Variants in C5 observed in about 807,000 individuals in gnomAD.
C5 encodes the protein complement C5.
A neutral mutation model predicts 218.8 loss-of-function variants in C5; 140 were observed. The ratio of observed to expected loss-of-function variants is 0.64; its 90% CI spans 0.56 to 0.74. The LOEUF (loss-of-function observed/expected upper bound fraction) is 0.74. Ranked by LOEUF, C5 falls within the 30% of genes least tolerant of loss-of-function variation. The pLI, the probability that C5 is intolerant of heterozygous loss-of-function variation, is 0.00. For missense variants in C5, 1,700 were observed against 1,969.6 expected (o/e 0.86, Z 2.59); for synonymous variants, 614 against 682.3 (o/e 0.90, Z 1.56).
chr9:121,002,284 A>ATGTGTGTGTGTGTGTGTGTG (rs1301302145), intron 20 of C5, among the ~76,000 whole-genome samples: 1 of 118,652 alleles, frequency 8.4e-6, no homozygotes, highest in Non-Finnish European at 1.8e-5. Context: ...ATATATACGT[A>ATGTGTGTGTGTGTGTGTGTG]TATATGTATA....
the C5 span, among the ~76,000 whole-genome samples, chr9:121,071,595 G>C: frequency 4.3e-4 from 65 of 152,174 alleles, no homozygotes; most frequent in African/African-American, 1.4e-3. Flanking sequence ...TGAGGGAGGA[G>C]GATCACTTGA....
Position 120,960,408 on chromosome 9 carries a change from C to T in C5, c.4589-71G>A, listed in dbSNP as rs554883783. The stretch of plus-strand genomic sequence containing the variant: ...TAGACACTCTTTCCAGGAGTAAACA[C>T]GGTTTCTCATGAGCCCAGAGACAAC... On this transcript the variant is annotated intron_variant, in intron 37 of 40. Coordinates refer to ENST00000223642, the MANE Select transcript of C5 (RefSeq NM_001735.3). The T allele has an allele frequency of 8.3e-4, 846 of 1,024,492 alleles. 11 individuals carry two copies. In the South Asian group the frequency reaches 9.4e-3, roughly 11 times the overall value. 63.5% of individuals were successfully genotyped at this position (1,024,492 alleles called of 1,614,324 possible).
At position 120,957,271 on chromosome 9, in the gene C5, G is replaced by T; in HGVS notation, c.4762+14C>A. On this transcript the variant is annotated intron_variant, in intron 39 of 40. Transcript: ENST00000223642. ...TTGCTGAATGAAGGAACGAATGAAC[G>T]AATGAATTCTCACCAGTTTTGTAGA... is the stretch of plus-strand genomic sequence containing the variant. The T allele has an allele frequency of 1.3e-6, 2 of 1,572,768 alleles. No homozygotes were observed. The highest frequency in any genetic ancestry group is 2.2e-5 in the South Asian group (2 of 90,128).
intron 8 of C5, 61 bp from the exon 9 acceptor site, chr9:121,025,641 T>C (rs1371591261): frequency 1.3e-6 from 2 of 1,524,886 alleles, no homozygotes; most frequent in African/African-American, 1.4e-5. Context: ...GAAAAATTAA[T>C]AAAATCTGCT....
chr9:121,074,789 C>T, the C5 span: 1 of 454,746 alleles, frequency 2.2e-6, no homozygotes, highest in African/African-American at 2.0e-5. Context: ...CACCGCATCC[C>T]GTCGGCCCCG....
chr9:120,982,006 ACT>A (rs1294853399), intron 26 of C5, 67 bp from the exon 27 acceptor site: 3 of 1,058,842 alleles, frequency 2.8e-6, no homozygotes, highest in African/African-American at 1.6e-5. Context: ...ACCTGATTCT[ACT>A]CTGTTTTTTG....
intron 2 of C5, among the ~76,000 whole-genome samples, chr9:121,045,502 A>G (rs1372847399): frequency 1.3e-5 from 2 of 152,164 alleles, no homozygotes; most frequent in Non-Finnish European, 2.9e-5. Context: ...TTAAATTTCC[A>G]TTTTTAATTT....
In C5 at chr9:121,002,324, A is replaced by G. The variant is rs1274056299; in HGVS notation, c.2562+3595T>C. 8.0e-3 allele frequency among the ~76,000 whole-genome samples: 597 copies of G among 74,644 alleles called. 10 individuals carry two copies. Among genetic ancestry groups the G allele is most frequent in the Middle Eastern group, 0.025 (3 of 118 alleles). The allele number at this position is 74,644 out of a possible 152,430, so 49.0% of individuals were successfully genotyped here. A position where few individuals can be genotyped will look rare whatever the true frequency, so the allele number is the denominator to read the frequency against. Reference sequence around the variant, plus strand: ...TATATATATATGTGTGTGTATATATATATATATATATATATATACACACAT... The same window carrying G: ...TATATATATATGTGTGTGTATATATGTATATATATATATATATACACACAT... On this transcript the variant is annotated intron_variant, in intron 20 of 40. Coordinates refer to ENST00000223642, the MANE Select transcript of C5 (RefSeq NM_001735.3).
intron 21 of C5, among the ~76,000 whole-genome samples, chr9:120,996,936 A>T (rs2047121663): frequency 6.6e-6 from 1 of 150,866 alleles, no homozygotes; most frequent in African/African-American, 2.4e-5. Context: ...AAAATTATAT[A>T]AAAATATTAA....
intron 30 of C5, among the ~76,000 whole-genome samples, chr9:120,972,369 T>C (rs2131684302): frequency 6.6e-6 from 1 of 152,344 alleles, no homozygotes; most frequent in East Asian, 1.9e-4. Context: ...TGTGTGCCAA[T>C]GGAGATCGTT....
In C5 at chr9:120,974,827, T is replaced by A; in HGVS notation, c.3969A>T (p.Leu1323Phe). 1 of 1,614,074 alleles carries A rather than the reference T, an allele frequency of 6.2e-7. No individual in the cohort carries two copies. The highest frequency in any genetic ancestry group is 8.5e-7 in the Non-Finnish European group (1 of 1,179,872). Residue 1323 changes from leucine (L) to phenylalanine (F), a missense_variant, in exon 30 of 41, where the codon TTA becomes TTT. Leu to Phe is a conservative substitution (Grantham distance 22). Transcript: ENST00000223642. ...IDVSYKHKGA[L>F]HNYKMTDKNF... is the part of the protein sequence containing the mutation. The stretch of plus-strand genomic sequence containing the variant: ...TCTTGTCTGTCATTTTATAATTATG[T>A]AAGGCACCTTTATGCTTGTAAGAAA...
intron 16 of C5, among the ~76,000 whole-genome samples, chr9:121,014,998 C>G (rs538714412): frequency 6.6e-6 from 1 of 152,038 alleles, no homozygotes; most frequent in Non-Finnish European, 1.5e-5. Context: ...AGACCTATTT[C>G]CTTAGATTAA....
intron 16 of C5, 167 bp downstream of exon 16, chr9:121,015,031 GA>G (rs1423124055): frequency 1.7e-6 from 1 of 574,186 alleles, no homozygotes; most frequent in Non-Finnish European, 3.1e-6. Flanking sequence ...TGAACTACTA[GA>G]CTTTATTTGG....
chr9:121,047,187 T>C (rs1037770165), intron 1 of C5, among the ~76,000 whole-genome samples: 1 of 152,254 alleles, frequency 6.6e-6, no homozygotes, highest in Non-Finnish European at 1.5e-5. Flanking sequence ...TCATTATTCG[T>C]ACTTTGCAAG....
At chr9:121,032,306 T>C in intron 5 of C5, 111 bp from the exon 6 acceptor site, 1 of 659,094 alleles carries the variant, frequency 1.5e-6, no homozygotes, top group Non-Finnish European at 2.7e-6. Context: ...CAAAGATATA[T>C]AAAACCTAAG....
At chr9:120,965,538 A>G (rs1002662661) in intron 33 of C5, among the ~76,000 whole-genome samples, 24 of 150,356 alleles carry the variant, frequency 1.6e-4, no homozygotes, top group Admixed American at 7.2e-4. Flanking sequence ...ATAAATAAAT[A>G]AATAAATAAA....
At chr9:121,012,300 A>G (rs1469104661) in intron 17 of C5, among the ~76,000 whole-genome samples, 1 of 152,178 alleles carries the variant, frequency 6.6e-6, no homozygotes, top group Non-Finnish European at 1.5e-5. Flanking sequence ...TCCTCCCTCC[A>G]AAAAGAAAAA....
intron 14 of C5, among the ~76,000 whole-genome samples, chr9:121,017,151 A>G (rs1389225825): frequency 6.6e-6 from 1 of 152,212 alleles, no homozygotes; most frequent in Non-Finnish European, 1.5e-5. Flanking sequence ...ATGATCATAT[A>G]TTCTTAAAGT....
At chr9:121,023,072 A>G (rs1445301480) in intron 10 of C5, among the ~76,000 whole-genome samples, 1 of 152,222 alleles carries the variant, frequency 6.6e-6, no homozygotes, top group Non-Finnish European at 1.5e-5. Context: ...TTGCCACCAA[A>G]TAATTTTAAA....
Sources: allele counts gnomAD v4.1 joint callset (sites outside exome capture counted in the v4.1 genomes callset), GRCh38; gene constraint gnomAD v4.1.1; transcripts MANE v1.5; gene names NCBI Gene and HGNC (gene_info 2026-07-23, HGNC 2026-07-21).